The following TRPM3 variants were observed in gnomAD, a reference collection of about 807,000 sequenced individuals.
TRPM3 encodes transient receptor potential cation channel subfamily M member 3, also known as long transient receptor potential channel 3.
Under a neutral mutation model 181.2 loss-of-function variants are expected in TRPM3, and 77 were observed. That is an observed-to-expected ratio of 0.42 (90% CI 0.35 to 0.51). The LOEUF (loss-of-function observed/expected upper bound fraction) is 0.51. Among genes scored for constraint, TRPM3 ranks in the 20% least tolerant of loss-of-function variants. TRPM3 has a pLI of 0.01. For synonymous variants in TRPM3, 745 were observed against 796.4 expected, an observed-to-expected ratio of 0.94 and a Z score of 1.09; for missense variants, 1,759 against 2,196.7, an observed-to-expected ratio of 0.80 and a Z score of 3.98.
At chr9:71,248,958 A>G (rs1017964706) in intron 1 of TRPM3, among the ~76,000 whole-genome samples, 2 of 152,230 alleles carry the variant, frequency 1.3e-5, no homozygotes, top group African/African-American at 4.8e-5. Flanking sequence ...TTCAAAACAG[A>G]TAAATCTCTA....
At chr9:71,007,039 C>CAAAAAAAAAAAAAAAAAAAAAAAA (rs59442017) in intron 1 of TRPM3, among the ~76,000 whole-genome samples, 8 of 27,978 alleles carry the variant, frequency 2.9e-4, no homozygotes, top group Non-Finnish European at 4.1e-4. Flanking sequence ...AACTCCATCT[C>CAAAAAAAAAAAAAAAAAAAAAAAA]AAAAAAAAAA....
intron 1 of TRPM3, among the ~76,000 whole-genome samples, chr9:71,339,679 T>C (rs796766722): frequency 1.2e-4 from 18 of 152,198 alleles, no homozygotes; most frequent in African/African-American, 4.1e-4. Flanking sequence ...TATTTAGTAC[T>C]CTAGAAAAGG....
chr9:70,576,583 C>T (rs1007488386), intron 22 of TRPM3, among the ~76,000 whole-genome samples: 10 of 150,996 alleles, frequency 6.6e-5, no homozygotes, highest in African/African-American at 2.0e-4. Context: ...GGTGCGATCT[C>T]GGCTCACTGC....
At chr9:70,601,775 C>T (rs935007685) in intron 20 of TRPM3, among the ~76,000 whole-genome samples, 1 of 152,198 alleles carries the variant, frequency 6.6e-6, no homozygotes, top group Admixed American at 6.5e-5. Flanking sequence ...CAGAACAGTC[C>T]GTGGAGTACA....
chr9:71,383,609 T>A (rs1236806158), intron 1 of TRPM3, among the ~76,000 whole-genome samples: 2 of 152,206 alleles, frequency 1.3e-5, no homozygotes, highest in African/African-American at 4.8e-5. Context: ...CTTTCTTGTC[T>A]CTTTTAGTCT....
Position 70,843,065 on chromosome 9 carries a change from A to C in TRPM3, c.739T>G (p.Cys247Gly). 1 of 1,613,746 alleles carries C rather than the reference A, an allele frequency of 6.2e-7. No individual in the cohort carries two copies. Among genetic ancestry groups the C allele is most frequent in the Non-Finnish European group, 8.5e-7 (1 of 1,179,844 alleles). ...DHASKSRGKICTIGIAPWGIV... is the reference protein window; with the variant it reads ...DHASKSRGKIGTIGIAPWGIV... ...CCCCAGGGGGCAATACCTATGGTGC[A>C]TATCTTTCCTCGAGACTTAGAGGCA... is the stretch of plus-strand genomic sequence containing the variant. Residue 247 changes from cysteine (C) to glycine (G), a missense_variant, in exon 5 of 26, where the codon TGC (cysteine) becomes GGC (glycine). Coordinates refer to ENST00000677713, the MANE Select transcript of TRPM3 (RefSeq NM_001366145.2).
At chr9:70,892,137 G>A (rs753738270) in intron 1 of TRPM3, among the ~76,000 whole-genome samples, 32 of 152,190 alleles carry the variant, frequency 2.1e-4, no homozygotes, top group East Asian at 1.2e-3. Context: ...AGAATGAATC[G>A]CCCATGTTAT....
At chr9:71,170,253 A>G (rs1207217436) in intron 1 of TRPM3, among the ~76,000 whole-genome samples, 1 of 152,100 alleles carries the variant, frequency 6.6e-6, no homozygotes, top group Admixed American at 6.6e-5. Flanking sequence ...GAACACGAAG[A>G]TGAAGGGAAG....
At chr9:70,871,304 A>G (rs1462739234) in intron 1 of TRPM3, among the ~76,000 whole-genome samples, 1 of 151,966 alleles carries the variant, frequency 6.6e-6, no homozygotes, top group Non-Finnish European at 1.5e-5. Context: ...TTCCTTCTTC[A>G]CTAGATACTA....
At chr9:71,182,922 A>G (rs2077481153) in intron 1 of TRPM3, among the ~76,000 whole-genome samples, 2 of 152,102 alleles carry the variant, frequency 1.3e-5, no homozygotes, top group Admixed American at 1.3e-4. Flanking sequence ...TCGGCCTCCC[A>G]AAGTGCTGGG....
At chr9:70,823,909 C>T (rs2093373063) in intron 6 of TRPM3, among the ~76,000 whole-genome samples, 4 of 152,172 alleles carry the variant, frequency 2.6e-5, no homozygotes, top group Admixed American at 2.6e-4. Flanking sequence ...ATAAACAAAG[C>T]CCATCACTAA....
chr9:71,152,902 T>C (rs2075806090), intron 1 of TRPM3, among the ~76,000 whole-genome samples: 1 of 152,176 alleles, frequency 6.6e-6, no homozygotes, highest in Non-Finnish European at 1.5e-5. Flanking sequence ...AAAACAACAG[T>C]GGCCTTACCC....
chr9:71,250,639 A>C (rs1465287145), intron 1 of TRPM3, among the ~76,000 whole-genome samples: 2 of 152,178 alleles, frequency 1.3e-5, no homozygotes, highest in Non-Finnish European at 2.9e-5. Context: ...AGCGCTTTGG[A>C]TTATAAAGGA....
At chr9:70,664,652 T>G (rs1362802910) in intron 9 of TRPM3, among the ~76,000 whole-genome samples, 9 of 88,148 alleles carry the variant, frequency 1.0e-4, no homozygotes, top group African/African-American at 2.8e-4. Context: ...TTTTTTTTTT[T>G]TTTTTTTTTT....
chr9:70,536,710 C>CT lies in TRPM3; in HGVS notation c.4402dup (p.Ser1468LysfsTer5), dbSNP rs2041857742. On this transcript the variant is annotated frameshift_variant, in exon 26 of 26. Transcript: ENST00000677713. LOFTEE classifies it high-confidence loss of function. ...GATGTCCTCAAAATCAATGCTCCGG[C>CT]TTGGAGGTCTGTCTGTGGGTGCAAG... 1 of 1,614,014 alleles carries CT rather than the reference C, an allele frequency of 6.2e-7. No homozygotes were observed. The highest frequency in any genetic ancestry group is 8.5e-7 in the Non-Finnish European group (1 of 1,180,052).
chr9:71,138,311 C>T lies in TRPM3; in HGVS notation c.184-273800G>A, dbSNP rs1450334936. 2.0e-5 allele frequency among the ~76,000 whole-genome samples: 3 copies of T among 152,184 alleles called. 1 individual carries two copies. The highest frequency in any genetic ancestry group is 4.4e-5 in the Non-Finnish European group (3 of 68,024). On this transcript the variant is annotated intron_variant, in intron 1 of 24. Transcript: ENST00000357533. The stretch of plus-strand genomic sequence containing the variant: ...TATGCCTCTGTCTATGCCTGAAATG[C>T]TCCCATGCATTTCAGGAGAAACGCT...
intron 1 of TRPM3, among the ~76,000 whole-genome samples, chr9:71,262,172 C>T (rs867984368): frequency 1.3e-5 from 2 of 152,174 alleles, no homozygotes; most frequent in Admixed American, 6.5e-5. Flanking sequence ...CCTGGTGATA[C>T]CCAGACTGGG....
chr9:70,789,413 A>C (rs1016552255), intron 6 of TRPM3, among the ~76,000 whole-genome samples: 3 of 152,212 alleles, frequency 2.0e-5, no homozygotes, highest in African/African-American at 7.2e-5. Context: ...CAAATGAATA[A>C]AATAAAAGGT....
intron 1 of TRPM3, among the ~76,000 whole-genome samples, chr9:71,248,120 A>G (rs2132004126): frequency 6.6e-6 from 1 of 152,338 alleles, no homozygotes; most frequent in South Asian, 2.1e-4. Context: ...CAATAATTGG[A>G]AACGTAAGGC....
Sources: allele counts gnomAD v4.1 joint callset (sites outside exome capture counted in the v4.1 genomes callset), GRCh38; gene constraint gnomAD v4.1.1; transcripts MANE v1.5; gene names NCBI Gene and HGNC (gene_info 2026-07-23, HGNC 2026-07-21).